Variants in CEP70 observed in about 807,000 individuals in gnomAD.
CEP70 encodes the protein centrosomal protein of 70 kDa.
A neutral mutation model predicts 90.9 loss-of-function variants in CEP70; 70 were observed. The ratio of observed to expected loss-of-function variants is 0.77; its 90% confidence interval spans 0.64 to 0.94. CEP70 has a LOEUF of 0.94. Among genes scored for constraint, CEP70 ranks in the 40% least tolerant of loss-of-function variants. The probability of loss-of-function intolerance (pLI) is 0.00; values close to 1 mark genes in which losing one functional copy is unlikely to be tolerated. For synonymous variants in CEP70, 220 were observed against 228.3 expected (o/e 0.96, Z 0.33); for missense variants, 648 against 669.0 (o/e 0.97, Z 0.35).
At position 138,571,136 on chromosome 3, in the gene CEP70, TG is replaced by T; in HGVS notation, c.181del (p.Gln61SerfsTer6). 1 of 1,596,234 alleles carries T rather than the reference TG, an allele frequency of 6.3e-7. No individual in the cohort carries two copies. Among genetic ancestry groups the T allele is most frequent in the Non-Finnish European group, 8.6e-7 (1 of 1,168,684 alleles). ...ATTCTGTCTCATCCTTTGTGATGAC[TG>T]TTTGTCAAAAATGATGAGATCTACA... The part of the protein sequence containing the change: ...DLKDLIIFDK[Q>X]SSQRMRQNLK... On this transcript the variant is annotated frameshift_variant, in exon 5 of 18. Coordinates refer to ENST00000264982, the MANE Select transcript of CEP70 (RefSeq NM_024491.4). LOFTEE classifies it high-confidence loss of function.
At chr3:138,590,702 T>G (rs943398199) in intron 2 of CEP70, among the ~76,000 whole-genome samples, 6 of 150,922 alleles carry the variant, frequency 4.0e-5, no homozygotes, top group African/African-American at 1.2e-4. Context: ...TCCCAGCTAC[T>G]TAGGAGGCTG....
At chr3:138,537,142 A>G (rs759775240) in intron 7 of CEP70, 36 bp downstream of exon 7, 1 of 1,405,736 alleles carries the variant, frequency 7.1e-7, no homozygotes, top group Non-Finnish European at 9.4e-7. Context: ...CACAACAATG[A>G]ATCTAGCTAC....
intron 10 of CEP70, 48 bp downstream of exon 10, chr3:138,529,151 T>TG (rs763210955): frequency 1.7e-6 from 2 of 1,172,856 alleles, no homozygotes; most frequent in Non-Finnish European, 2.5e-6. Flanking sequence ...AGTGACAGAG[T>TG]GAGACCCTGT....
chr3:138,504,323 T>A (rs2034785203), intron 13 of CEP70, among the ~76,000 whole-genome samples: 2 of 152,186 alleles, frequency 1.3e-5, no homozygotes, highest in African/African-American at 4.8e-5. Context: ...AGTCGAAATT[T>A]AAAAAAAATT....
chr3:138,569,003 A>AC (rs983530427), intron 6 of CEP70, among the ~76,000 whole-genome samples: 3 of 151,704 alleles, frequency 2.0e-5, no homozygotes, highest in African/African-American at 7.3e-5. Flanking sequence ...ACAAAAAAAA[A>AC]ACACAAAAAA....
At chr3:138,506,950 C>G (rs1476495176) in intron 12 of CEP70, among the ~76,000 whole-genome samples, 1 of 151,884 alleles carries the variant, frequency 6.6e-6, no homozygotes, top group Admixed American at 6.6e-5. Flanking sequence ...ACTATATTGC[C>G]CAGGCTGGTC....
intron 6 of CEP70, among the ~76,000 whole-genome samples, chr3:138,547,221 T>C (rs1193921645): frequency 6.6e-6 from 1 of 152,186 alleles, no homozygotes; most frequent in Non-Finnish European, 1.5e-5. Flanking sequence ...AACTAGAAAT[T>C]GAGTTTTACA....
intron 6 of CEP70, among the ~76,000 whole-genome samples, chr3:138,540,707 G>A (rs145007002): frequency 0.012 from 1,867 of 152,266 alleles, 38 homozygotes; most frequent in African/African-American, 0.041. Context: ...AGAGCTAAAA[G>A]CAGAACTACC....
intron 8 of CEP70, chr3:138,530,912 C>T: frequency 2.2e-6 from 2 of 924,144 alleles, no homozygotes; most frequent in Non-Finnish European, 2.6e-6. Context: ...AAACTCCACT[C>T]AGTCAATGAA....
chr3:138,591,737 G>T, intron 2 of CEP70, 117 bp downstream of exon 2: 1 of 845,070 alleles, frequency 1.2e-6, no homozygotes, highest in Non-Finnish European at 1.9e-6. Context: ...TACCTGATAG[G>T]ATTATCAGGA....
At position 138,512,595 on chromosome 3, in the gene CEP70, G is replaced by T. The variant is rs547068150; in HGVS notation, c.945-4051C>A. The stretch of plus-strand genomic sequence containing the variant: ...GGAGTGCCTAAGGGGTACTTCACAT[G>T]CTTTGCAGACACTCATTCCATGTAT... On this transcript the variant is annotated intron_variant, in intron 11 of 17. Transcript: ENST00000264982. Among the ~76,000 whole-genome samples, 10 of 152,230 alleles carry T rather than the reference G, an allele frequency of 6.6e-5. No individual in the cohort carries two copies. The East Asian group carries it at 1.9e-3, about 29-fold the overall frequency.
intron 2 of CEP70, among the ~76,000 whole-genome samples, chr3:138,577,665 T>A (rs1025259415): frequency 6.6e-6 from 1 of 151,678 alleles, no homozygotes; most frequent in African/African-American, 2.4e-5. Context: ...ATAAAAAAAT[T>A]TTTAAAAACC....
At chr3:138,528,931 G>A (rs1190358058) in intron 10 of CEP70, among the ~76,000 whole-genome samples, 1 of 152,198 alleles carries the variant, frequency 6.6e-6, no homozygotes, top group African/African-American at 2.4e-5. Flanking sequence ...GACAGAGGTT[G>A]CAGTGAGCTG....
At chr3:138,498,400 C>T (rs538366706) in intron 16 of CEP70, among the ~76,000 whole-genome samples, 6 of 149,562 alleles carry the variant, frequency 4.0e-5, no homozygotes, top group African/African-American at 1.2e-4. Context: ...TGCAGTGGCG[C>T]TGTCTCGGCT....
intron 11 of CEP70, among the ~76,000 whole-genome samples, chr3:138,509,882 G>A (rs1204806752): frequency 6.6e-6 from 1 of 152,028 alleles, no homozygotes; most frequent in African/African-American, 2.4e-5. Flanking sequence ...GTACCACAGT[G>A]CTTATGTTCA....
intron 10 of CEP70, among the ~76,000 whole-genome samples, chr3:138,526,449 C>T (rs2037262429): frequency 6.6e-6 from 1 of 152,154 alleles, no homozygotes; most frequent in Non-Finnish European, 1.5e-5. Context: ...GTGTGAGCCA[C>T]CACGCCCAGC....
intron 6 of CEP70, among the ~76,000 whole-genome samples, chr3:138,564,648 C>G (rs2040647234): frequency 6.6e-6 from 1 of 152,100 alleles, no homozygotes; most frequent in Non-Finnish European, 1.5e-5. Context: ...AATTCAACAG[C>G]CCTTCTTGCT....
intron 6 of CEP70, among the ~76,000 whole-genome samples, chr3:138,552,242 C>G (rs1161647044): frequency 4.6e-5 from 7 of 152,098 alleles, no homozygotes; most frequent in African/African-American, 1.7e-4. Context: ...CTTCAATACT[C>G]CACTGACAGC....
chr3:138,499,047 A>G (rs1459631602), intron 16 of CEP70, among the ~76,000 whole-genome samples: 2 of 151,408 alleles, frequency 1.3e-5, no homozygotes, highest in Non-Finnish European at 2.9e-5. Context: ...CTCTGTCTCA[A>G]AAAAAAAAGA....
Sources: allele counts gnomAD v4.1 joint callset (sites outside exome capture counted in the v4.1 genomes callset), GRCh38; gene constraint gnomAD v4.1.1; transcripts MANE v1.5; gene names NCBI Gene and HGNC (gene_info 2026-07-23, HGNC 2026-07-21).